DNAJC1: variants seen among roughly 807,000 people sequenced by gnomAD.
The protein encoded by DNAJC1 is dnaJ homolog subfamily C member 1.
In DNAJC1, 58 loss-of-function variants were observed where a neutral mutation model predicts 76.6. The observed-to-expected ratio is 0.76, with a 90% CI of 0.61 to 0.94. The LOEUF (loss-of-function observed/expected upper bound fraction) is 0.94. DNAJC1 is among the 40% of genes least tolerant of loss of function. The pLI, the probability that DNAJC1 is intolerant of heterozygous loss-of-function variation, is 0.00. For missense variants in DNAJC1, 689 were observed against 677.3 expected (o/e 1.02, Z -0.19); for synonymous variants, 258 against 267.9 (o/e 0.96, Z 0.36).
chr10:21,869,759 T>C (rs1836072144), intron 8 of DNAJC1, among the ~76,000 whole-genome samples: 1 of 152,100 alleles, frequency 6.6e-6, no homozygotes, highest in South Asian at 2.1e-4. Context: ...CTATAGGTGA[T>C]GAAATGACAT....
At chr10:21,928,434 A>G (rs549910981) in intron 3 of DNAJC1, 72 bp downstream of exon 3, 1 of 1,288,536 alleles carries the variant, frequency 7.8e-7, no homozygotes, top group Non-Finnish European at 1.1e-6. Context: ...AATGTTTAAG[A>G]AGACTTAATT....
At chr10:21,765,260 G>T (rs1834286200) in intron 10 of DNAJC1, among the ~76,000 whole-genome samples, 1 of 151,944 alleles carries the variant, frequency 6.6e-6, no homozygotes, top group South Asian at 2.1e-4. Flanking sequence ...GAAATGGGGG[G>T]TCTCACTATG....
chr10:21,883,698 G>T lies in DNAJC1; in HGVS notation c.821-1259C>A, dbSNP rs567601161. On this transcript the variant is annotated intron_variant, in intron 7 of 11. Coordinates refer to ENST00000376980, the MANE Select transcript of DNAJC1 (RefSeq NM_022365.4). The stretch of plus-strand genomic sequence containing the variant: ...TGACACAGTACACTGTAGAGGATCA[G>T]TTTTAATCCTCATGATCATATGGCT... 9.8e-5 allele frequency among the ~76,000 whole-genome samples: 15 copies of T among 152,300 alleles called. No individual in the cohort carries two copies. The East Asian group carries it at 2.9e-3, about 29-fold the overall frequency.
intron 7 of DNAJC1, among the ~76,000 whole-genome samples, chr10:21,892,757 T>C (rs965698555): frequency 6.6e-6 from 1 of 151,708 alleles, no homozygotes; most frequent in African/African-American, 2.4e-5. Context: ...TAAGGTAAAG[T>C]AGACTATAAA....
At chr10:21,944,182 TCATA>T (rs1837468226) in intron 1 of DNAJC1, among the ~76,000 whole-genome samples, 1 of 151,512 alleles carries the variant, frequency 6.6e-6, no homozygotes, top group African/African-American at 2.4e-5. Flanking sequence ...TTTTTTTTTT[TCATA>T]TTATCCTCCA....
At chr10:21,878,710 T>A (rs1344184034) in intron 8 of DNAJC1, among the ~76,000 whole-genome samples, 1 of 152,082 alleles carries the variant, frequency 6.6e-6, no homozygotes, top group Non-Finnish European at 1.5e-5. Context: ...TTGGAAAAAA[T>A]CCACATATAA....
At chr10:21,973,732 C>T (rs1838017726) in intron 1 of DNAJC1, among the ~76,000 whole-genome samples, 1 of 99,158 alleles carries the variant, frequency 1.0e-5, no homozygotes, top group Non-Finnish European at 1.9e-5. Context: ...TTTATGCTCA[C>T]TACTTAAAAA....
intron 9 of DNAJC1, among the ~76,000 whole-genome samples, chr10:21,766,640 G>C (rs1834302983): frequency 6.6e-6 from 1 of 151,808 alleles, no homozygotes; most frequent in African/African-American, 2.4e-5. Flanking sequence ...TTAAGTTCTA[G>C]GGTACATATG....
intron 8 of DNAJC1, among the ~76,000 whole-genome samples, chr10:21,863,114 A>G (rs957211773): frequency 1.3e-5 from 2 of 152,088 alleles, no homozygotes; most frequent in African/African-American, 4.8e-5. Flanking sequence ...CCTGGGCAAC[A>G]AGAGTGAAAC....
At chr10:21,836,365 C>CA (rs1359560054) in intron 8 of DNAJC1, among the ~76,000 whole-genome samples, 1 of 152,118 alleles carries the variant, frequency 6.6e-6, no homozygotes, top group Non-Finnish European at 1.5e-5. Context: ...CCAGCCACTG[C>CA]AAAAAACATG....
intron 4 of DNAJC1, among the ~76,000 whole-genome samples, chr10:21,920,273 G>A (rs537620467): frequency 1.3e-5 from 2 of 152,062 alleles, no homozygotes; most frequent in South Asian, 2.1e-4. Context: ...CATGAATACT[G>A]ATAAATATGT....
intron 1 of DNAJC1, among the ~76,000 whole-genome samples, chr10:21,950,399 T>C (rs2131806810): frequency 6.6e-6 from 1 of 152,166 alleles, no homozygotes; most frequent in Non-Finnish European, 1.5e-5. Context: ...TCAATAAATG[T>C]TGTATGTGTT....
At chr10:21,928,665 A>G (rs1442480919) in intron 2 of DNAJC1, 113 bp from the exon 3 acceptor site, 2 of 771,944 alleles carry the variant, frequency 2.6e-6, no homozygotes, top group Non-Finnish European at 4.4e-6. Flanking sequence ...CTATATATAC[A>G]ATAAACAGAT....
chr10:21,992,552 CA>C (rs1306694321), intron 1 of DNAJC1, among the ~76,000 whole-genome samples: 87 of 136,618 alleles, frequency 6.4e-4, no homozygotes, highest in Non-Finnish European at 6.0e-4. Flanking sequence ...GACTCCATTT[CA>C]AAAAAAAAAA....
At chr10:21,822,034 A>G (rs1042833480) in intron 8 of DNAJC1, among the ~76,000 whole-genome samples, 3 of 152,228 alleles carry the variant, frequency 2.0e-5, no homozygotes, top group East Asian at 3.8e-4. Flanking sequence ...CTCTTAGTAT[A>G]GTAACCGAAA....
At chr10:21,769,532 A>C (rs1455043867) in intron 9 of DNAJC1, among the ~76,000 whole-genome samples, 1 of 152,176 alleles carries the variant, frequency 6.6e-6, no homozygotes, top group Non-Finnish European at 1.5e-5. Flanking sequence ...CCACCTTTTA[A>C]ATCCAAATCT....
intron 8 of DNAJC1, among the ~76,000 whole-genome samples, chr10:21,859,627 T>C (rs1835891624): frequency 1.3e-5 from 2 of 151,940 alleles, no homozygotes; most frequent in Admixed American, 6.5e-5. Flanking sequence ...AGGGGTTACA[T>C]AGACAGAGGG....
At chr10:21,916,842 T>C (rs1836964054) in intron 6 of DNAJC1, among the ~76,000 whole-genome samples, 1 of 152,138 alleles carries the variant, frequency 6.6e-6, no homozygotes, top group African/African-American at 2.4e-5. Flanking sequence ...AGTATTATAA[T>C]ATATATTTGA....
Position 22,003,690 on chromosome 10 carries a change from C to T in DNAJC1, c.-256G>A, listed in dbSNP as rs1315078041. The T allele has an allele frequency of 5.2e-6, 2 of 387,238 alleles. No individual in the cohort carries two copies. The highest frequency in any genetic ancestry group is 4.1e-5 in the East Asian group (1 of 24,168). The allele number at this position is 387,238 out of a possible 1,614,324, so 24.0% of individuals were successfully genotyped here. A position where few individuals can be genotyped will look rare whatever the true frequency, so the allele number is the denominator to read the frequency against. Reference sequence around the variant, plus strand: ...GAAGACCCTCGCCCCCAGGCCTACACACAGCTGTAGAGGCAGCGCCCGGCG... The same window carrying T: ...GAAGACCCTCGCCCCCAGGCCTACATACAGCTGTAGAGGCAGCGCCCGGCG... On this transcript the variant is annotated 5_prime_UTR_variant, in exon 1 of 12. It adds an upstream start codon to the 5' untranslated region. Transcript: ENST00000376980.
Sources: allele counts gnomAD v4.1 joint callset (sites outside exome capture counted in the v4.1 genomes callset), GRCh38; gene constraint gnomAD v4.1.1; transcripts MANE v1.5; gene names NCBI Gene and HGNC (gene_info 2026-07-23, HGNC 2026-07-21).